SLC39A12: variants seen among roughly 807,000 people sequenced by gnomAD.
The protein encoded by SLC39A12 is solute carrier family 39 member 12.
In SLC39A12, 63 loss-of-function variants were observed where a neutral mutation model predicts 71.1. The observed-to-expected ratio is 0.89, with a 90% confidence interval of 0.72 to 1.09. SLC39A12 has a LOEUF of 1.09. Among genes scored for constraint, SLC39A12 ranks in the 50% least tolerant of loss-of-function variants. The probability of loss-of-function intolerance (pLI) is 0.00; values close to 1 mark genes in which losing one functional copy is unlikely to be tolerated. For missense variants in SLC39A12, 892 were observed against 812.6 expected (o/e 1.10, Z -1.19); for synonymous variants, 351 against 301.3 (o/e 1.16, Z -1.71).
chr10:17,957,867 G>A (rs984204088), intron 2 of SLC39A12, among the ~76,000 whole-genome samples: 7 of 152,166 alleles, frequency 4.6e-5, no homozygotes, highest in Admixed American at 2.0e-4. Flanking sequence ...ATAAAAGGGA[G>A]GAAGGTTTCC....
chr10:17,987,835 C>G (rs1835442296), intron 7 of SLC39A12, among the ~76,000 whole-genome samples, 184 bp downstream of exon 7: 1 of 152,154 alleles, frequency 6.6e-6, no homozygotes, highest in Middle Eastern at 3.4e-3. Flanking sequence ...AAGAGATGCC[C>G]CAACATTAGG....
intron 12 of SLC39A12, among the ~76,000 whole-genome samples, chr10:18,041,900 T>C (rs1303167061): frequency 2.0e-5 from 3 of 147,894 alleles, no homozygotes; most frequent in African/African-American, 7.5e-5. Context: ...TATATGTATA[T>C]GTATATATGT....
At chr10:17,955,276 T>A (rs1346276910) in intron 2 of SLC39A12, among the ~76,000 whole-genome samples, 1 of 152,162 alleles carries the variant, frequency 6.6e-6, no homozygotes, top group Non-Finnish European at 1.5e-5. Flanking sequence ...CCCATTTGAA[T>A]CAGTTCCATT....
At chr10:18,030,804 C>A (rs908772995) in intron 12 of SLC39A12, among the ~76,000 whole-genome samples, 1 of 118,216 alleles carries the variant, frequency 8.5e-6, no homozygotes, top group Non-Finnish European at 1.7e-5. Context: ...CCCCTCCCCC[C>A]ACCCCACCAC....
chr10:17,984,198 A>G (rs1835344994), intron 6 of SLC39A12, among the ~76,000 whole-genome samples: 1 of 152,240 alleles, frequency 6.6e-6, no homozygotes, highest in Non-Finnish European at 1.5e-5. Context: ...AAATTAGCAG[A>G]GTCCTGTGAC....
In SLC39A12 at chr10:18,042,808, T is replaced by C. The variant is rs761629547; in HGVS notation, c.2051T>C (p.Ile684Thr). The change falls in exon 13 of 13, where the codon ATA becomes ACA. Residue 684 changes from isoleucine to threonine, a missense_variant. Ile to Thr is a moderately conservative substitution (Grantham distance 89, BLOSUM62 -1). Coordinates refer to ENST00000377369, the MANE Select transcript of SLC39A12 (RefSeq NM_001145195.2). ...LGWLSLLLLAIYEQNIKI is the reference protein window; with the variant it reads ...LGWLSLLLLATYEQNIKI ...TGGCTTTCTCTCCTGCTCTTGGCTA[T>C]ATATGAGCAAAATATTAAAATATAA... 6.2e-7 allele frequency: 1 copy of C among 1,610,210 alleles called. No homozygotes were observed. The highest frequency in any genetic ancestry group is 2.2e-5 in the East Asian group (1 of 44,654).
chr10:17,953,985 A>T (rs562706666), intron 2 of SLC39A12, among the ~76,000 whole-genome samples: 1 of 152,180 alleles, frequency 6.6e-6, no homozygotes, highest in African/African-American at 2.4e-5. Context: ...AATATTATGC[A>T]TGGCGGGTAG....
intron 6 of SLC39A12, among the ~76,000 whole-genome samples, chr10:17,982,244 C>T (rs1835279816): frequency 6.6e-6 from 1 of 152,094 alleles, no homozygotes; most frequent in South Asian, 2.1e-4. Context: ...TGAGATCTCT[C>T]CAAGGGCTTC....
At chr10:17,966,201 C>G (rs1834821227) in intron 4 of SLC39A12, among the ~76,000 whole-genome samples, 1 of 152,138 alleles carries the variant, frequency 6.6e-6, no homozygotes, top group Admixed American at 6.5e-5. Context: ...GATGTCAGAA[C>G]TGGAATTAGA....
intron 12 of SLC39A12, among the ~76,000 whole-genome samples, chr10:18,041,251 G>A (rs145158266): frequency 7.2e-4 from 109 of 152,096 alleles, no homozygotes; most frequent in African/African-American, 2.5e-3. Context: ...TCACAAACAT[G>A]AAATAGTTGC....
intron 2 of SLC39A12, among the ~76,000 whole-genome samples, chr10:17,955,372 T>G (rs782407628): frequency 5.9e-5 from 9 of 152,184 alleles, no homozygotes; most frequent in Admixed American, 2.6e-4. Context: ...AGTCTCAGCT[T>G]TACCTACTCA....
At chr10:17,974,488 T>G (rs116644532) in intron 4 of SLC39A12, among the ~76,000 whole-genome samples, 2,102 of 152,332 alleles carry the variant, frequency 0.014, 43 homozygotes, top group African/African-American at 0.044. Flanking sequence ...TGCTATATCT[T>G]CACCCCAAAC....
intron 12 of SLC39A12, among the ~76,000 whole-genome samples, chr10:18,041,535 T>TACAC (rs56222977): frequency 5.8e-5 from 7 of 120,688 alleles, no homozygotes; most frequent in African/African-American, 1.9e-4. Flanking sequence ...TGTATATATA[T>TACAC]ACACACACAC....
intron 12 of SLC39A12, among the ~76,000 whole-genome samples, chr10:18,009,250 G>A (rs1419698989): frequency 3.9e-5 from 6 of 152,038 alleles, no homozygotes; most frequent in Non-Finnish European, 7.4e-5. Flanking sequence ...TCCCTACAAT[G>A]GGGGGAACTG....
At chr10:17,975,871 G>C (rs74118068) in intron 4 of SLC39A12, among the ~76,000 whole-genome samples, 3,432 of 152,260 alleles carry the variant, frequency 0.023, 120 homozygotes, top group African/African-American at 0.075. Context: ...GTTCCCCTCT[G>C]GCTAGGGCTG....
chr10:17,976,936 T>C (rs1835124969), intron 4 of SLC39A12, among the ~76,000 whole-genome samples: 1 of 152,208 alleles, frequency 6.6e-6, no homozygotes, highest in South Asian at 2.1e-4. Flanking sequence ...TATATATACA[T>C]TGGTATACTT....
rs1439088741 is a variant in SLC39A12 at position 18,036,769 on chromosome 10, TATATATATATATATATA to T, written c.1948-5935_1948-5919del. On this transcript the variant is annotated intron_variant, in intron 12 of 12. Coordinates refer to ENST00000377369, the MANE Select transcript of SLC39A12 (RefSeq NM_001145195.2). ...AATTATATATATATATATATATATA[TATATATATATATATATA>T]TATATATATTTTTTTTTTTAATGGA... is the stretch of plus-strand genomic sequence containing the variant. Among the ~76,000 whole-genome samples the T allele has an allele frequency of 4.5e-3, 361 of 79,356 alleles. 28 individuals carry two copies. The highest frequency in any genetic ancestry group is 0.01 in the African/African-American group (158 of 15,462). 52.1% of individuals were successfully genotyped at this position (79,356 alleles called of 152,430 possible). A position where few individuals can be genotyped will look rare whatever the true frequency, so the allele number is the denominator to read the frequency against.
chr10:17,970,635 T>C (rs1439401750), intron 4 of SLC39A12, among the ~76,000 whole-genome samples: 15 of 151,982 alleles, frequency 9.9e-5, no homozygotes, highest in Admixed American at 9.8e-4. Flanking sequence ...GATGTTGTAT[T>C]CTGCAACTTT....
Position 18,025,568 on chromosome 10 carries a change from A to C in SLC39A12, c.1948-17137A>C, listed in dbSNP as rs1270924278. Reference sequence around the variant, plus strand: ...TCCCTACAAAGGACATGAACTCATCAATTTTTATGGCTGCATAGTATTCCA... The same window carrying C: ...TCCCTACAAAGGACATGAACTCATCCATTTTTATGGCTGCATAGTATTCCA... On this transcript the variant is annotated intron_variant, in intron 12 of 12. Transcript: ENST00000377369. 7.2e-5 allele frequency among the ~76,000 whole-genome samples: 11 copies of C among 152,138 alleles called. No homozygotes were observed. In the East Asian group the frequency reaches 2.1e-3, roughly 29 times the overall value.
Sources: allele counts gnomAD v4.1 joint callset (sites outside exome capture counted in the v4.1 genomes callset), GRCh38; gene constraint gnomAD v4.1.1; transcripts MANE v1.5; gene names NCBI Gene and HGNC (gene_info 2026-07-23, HGNC 2026-07-21).